Variants in ENOX1 observed in about 807,000 individuals in gnomAD.
ENOX1 encodes the protein ecto-NOX disulfide-thiol exchanger 1, also known as candidate growth-related and time keeping constitutive hydroquinone (NADH) oxidase.
In ENOX1, 42 loss-of-function variants were observed where a neutral mutation model predicts 82.5. That is an observed-to-expected ratio of 0.51 (90% CI 0.40 to 0.66). ENOX1 has a LOEUF of 0.66. ENOX1 is among the 30% of genes least tolerant of loss of function. The pLI is 0.00. For synonymous variants in ENOX1, 271 were observed against 282.2 expected (o/e 0.96, Z 0.40); for missense variants, 608 against 811.6 (o/e 0.75, Z 3.05).
In ENOX1 at chr13:43,324,593, C is replaced by G. The variant is rs192068119; in HGVS notation, c.1143+1826G>C. Among the ~76,000 whole-genome samples the G allele has an allele frequency of 3.3e-5, 5 of 152,226 alleles. No homozygotes were observed. The East Asian group carries it at 9.7e-4, about 29-fold the overall frequency. ...AGCGACATGCAAGAGAAAATCACAG[C>G]TAATTTAGAATTCTGTGGCCTAATG... On this transcript the variant is annotated intron_variant, in intron 10 of 16. Coordinates refer to ENST00000690772, the MANE Select transcript of ENOX1 (RefSeq NM_001347969.2).
intron 1 of ENOX1, among the ~76,000 whole-genome samples, chr13:43,676,996 T>C (rs1487566042): frequency 6.6e-6 from 1 of 151,778 alleles, no homozygotes; most frequent in African/African-American, 2.4e-5. Flanking sequence ...CTCAAGTGGG[T>C]CACCCTCTGA....
chr13:43,292,258 G>C (rs1566437974), intron 12 of ENOX1, among the ~76,000 whole-genome samples: 1 of 152,144 alleles, frequency 6.6e-6, no homozygotes, highest in Non-Finnish European at 1.5e-5. Context: ...ATAATGATTA[G>C]AGGACAAAAT....
chr13:43,363,419 T>A, intron 5 of ENOX1, among the ~76,000 whole-genome samples: 1 of 152,130 alleles, frequency 6.6e-6, no homozygotes, highest in East Asian at 1.9e-4. Flanking sequence ...TCTTAAAATG[T>A]ACTTTACCCT....
chr13:43,305,753 T>C (rs1375375571), intron 11 of ENOX1, among the ~76,000 whole-genome samples: 4 of 152,164 alleles, frequency 2.6e-5, no homozygotes, highest in Non-Finnish European at 4.4e-5. Context: ...CAGAGGAAAA[T>C]AAGCAAAGGA....
chr13:43,630,933 TTGTGTGTG>T (rs139713177), intron 2 of ENOX1, among the ~76,000 whole-genome samples: 1 of 149,248 alleles, frequency 6.7e-6, no homozygotes, highest in Non-Finnish European at 1.5e-5. Flanking sequence ...GTGTGTGTGT[TTGTGTGTG>T]TGTGTGTGTA....
intron 14 of ENOX1, among the ~76,000 whole-genome samples, chr13:43,264,114 A>C (rs1349554254): frequency 2.0e-5 from 3 of 152,202 alleles, no homozygotes; most frequent in African/African-American, 7.2e-5. Context: ...GTAACACCTT[A>C]AGGTTTTCCC....
At chr13:43,765,770 C>G (rs368594102) in intron 1 of ENOX1, among the ~76,000 whole-genome samples, 1 of 152,102 alleles carries the variant, frequency 6.6e-6, no homozygotes, top group African/African-American at 2.4e-5. Flanking sequence ...TAATCATTAC[C>G]CAGTTCGTTC....
chr13:43,574,820 C>T (rs2080343220), intron 2 of ENOX1, among the ~76,000 whole-genome samples: 1 of 152,162 alleles, frequency 6.6e-6, no homozygotes, highest in African/African-American at 2.4e-5. Flanking sequence ...TGGATATTTT[C>T]AAGGATTCAC....
At chr13:43,321,214 G>A (rs1593917306) in intron 11 of ENOX1, 1 of 452,620 alleles carries the variant, frequency 2.2e-6, no homozygotes, top group South Asian at 1.6e-5. Context: ...CAGATTGCTG[G>A]ACTTCACTTC....
intron 2 of ENOX1, among the ~76,000 whole-genome samples, chr13:43,561,972 A>C (rs2079694109): frequency 6.8e-6 from 1 of 146,892 alleles, no homozygotes; most frequent in African/African-American, 2.5e-5. Context: ...CTGTCAAAAA[A>C]AAGGAAGGAA....
Position 43,537,610 on chromosome 13 carries a change from T to C in ENOX1, c.-218-53458A>G, listed in dbSNP as rs555030377. Among the ~76,000 whole-genome samples the C allele has an allele frequency of 7.2e-5, 11 of 152,356 alleles. No homozygotes were observed. In the South Asian group the frequency reaches 1.9e-3, roughly 26 times the overall value. On this transcript the variant is annotated intron_variant, in intron 2 of 16. Transcript: ENST00000690772. Reference sequence around the variant, plus strand: ...TCTATGTAGTTCTCTGCATTGTTTCTGTGAAGTAAGACAACTATATCAAAA... The same window carrying C: ...TCTATGTAGTTCTCTGCATTGTTTCCGTGAAGTAAGACAACTATATCAAAA...
intron 2 of ENOX1, among the ~76,000 whole-genome samples, chr13:43,532,138 A>G (rs2078257660): frequency 2.0e-5 from 3 of 152,246 alleles, no homozygotes; most frequent in South Asian, 2.1e-4. Flanking sequence ...AAGACTGAAT[A>G]AATAGCTCTG....
At chr13:43,434,469 G>T (rs370411403) in intron 3 of ENOX1, among the ~76,000 whole-genome samples, 1 of 151,964 alleles carries the variant, frequency 6.6e-6, no homozygotes. Context: ...CTCTTTTTAG[G>T]CTCATATAAA....
In ENOX1 at chr13:43,338,229, C is replaced by T. The variant is rs796109637; in HGVS notation, c.1036+6309G>A. Among the ~76,000 whole-genome samples the T allele has an allele frequency of 3.8e-4, 58 of 152,326 alleles. 1 individual carries two copies. Among genetic ancestry groups the T allele is most frequent in the African/African-American group, 1.4e-3 (57 of 41,586 alleles). ...GTCCATGCTTCCTGAACTTTATAAACAGCTCCTGTACGAGCTTTGAAATGA... is the reference window on the plus strand; with the variant it reads ...GTCCATGCTTCCTGAACTTTATAAATAGCTCCTGTACGAGCTTTGAAATGA... On this transcript the variant is annotated intron_variant, in intron 9 of 16. Coordinates refer to ENST00000690772, the MANE Select transcript of ENOX1 (RefSeq NM_001347969.2).
chr13:43,645,212 C>T (rs188784281), intron 2 of ENOX1, among the ~76,000 whole-genome samples: 8 of 152,246 alleles, frequency 5.3e-5, no homozygotes, highest in Admixed American at 2.6e-4. Context: ...TAGACTAGCA[C>T]GGTGGCATAA....
chr13:43,581,289 C>G (rs924290666), intron 2 of ENOX1, among the ~76,000 whole-genome samples: 1 of 141,612 alleles, frequency 7.1e-6, no homozygotes, highest in Non-Finnish European at 1.5e-5. Context: ...CCCGCCACTA[C>G]GCCCGGCTAA....
rs142495264 is a variant in ENOX1, at chr13:43,486,103, G to A, written c.-218-1951C>T. Among the ~76,000 whole-genome samples, 572 of 152,298 alleles carry A rather than the reference G, an allele frequency of 3.8e-3. 3 individuals are homozygous for A. Among genetic ancestry groups the A allele is most frequent in the African/African-American group, 0.013 (524 of 41,568 alleles). On this transcript the variant is annotated intron_variant, in intron 2 of 16. Coordinates refer to ENST00000690772, the MANE Select transcript of ENOX1 (RefSeq NM_001347969.2). ...CGGGTGCCTGTAGTCCCAGCTCCTT[G>A]GGAGGCTGAGGCAGGAGAATGGTGT...
intron 1 of ENOX1, among the ~76,000 whole-genome samples, chr13:43,672,372 T>C (rs1327248062): frequency 6.6e-6 from 1 of 152,198 alleles, no homozygotes; most frequent in Non-Finnish European, 1.5e-5. Context: ...TTAGATAATA[T>C]TCCCTTTAAC....
intron 1 of ENOX1, among the ~76,000 whole-genome samples, chr13:43,672,098 C>G (rs1232568304): frequency 6.6e-6 from 1 of 152,112 alleles, no homozygotes; most frequent in Non-Finnish European, 1.5e-5. Context: ...CCCAATCTAT[C>G]ATAGAGAGAG....
Sources: gnomAD v4.1 joint callset for allele counts (sites outside exome capture counted in the v4.1 genomes callset) on GRCh38, gnomAD v4.1.1 for gene constraint, MANE v1.5 for transcripts, NCBI Gene and HGNC (gene_info 2026-07-23, HGNC 2026-07-21) for gene names.